RAB27A: variants seen among roughly 807,000 people sequenced by gnomAD.
RAB27A encodes the protein ras-related protein Rab-27A.
RAB27A carries 17 observed loss-of-function variants against 20.8 expected under a neutral mutation model. The ratio of observed to expected loss-of-function variants is 0.82; its 90% CI spans 0.56 to 1.23. The LOEUF (loss-of-function observed/expected upper bound fraction) is 1.23. RAB27A is among the 50% of genes most tolerant of loss of function. The pLI, the probability that RAB27A is intolerant of heterozygous loss-of-function variation, is 0.00. For missense variants in RAB27A, 277 were observed against 266.7 expected (o/e 1.04, Z -0.27); for synonymous variants, 85 against 92.8 (o/e 0.92, Z 0.48).
rs79001928 is a variant in RAB27A, at chr15:55,270,594, T to G, written c.-142-310A>C. On this transcript the variant is annotated intron_variant, in intron 1 of 6. Transcript: ENST00000336787. The stretch of plus-strand genomic sequence containing the variant: ...TTCTTCCGCCCACCTACCCCGTGAA[T>G]CAAAACAGTAGAACATTTGTTTTCT... 4.8e-3 allele frequency among the ~76,000 whole-genome samples: 729 copies of G among 152,306 alleles called. 12 individuals are homozygous for G. The highest frequency in any genetic ancestry group is 0.017 in the African/African-American group (687 of 41,564).
chr15:55,282,910 G>A (rs1315910266), intron 1 of RAB27A, among the ~76,000 whole-genome samples: 1 of 130,398 alleles, frequency 7.7e-6, no homozygotes, highest in Admixed American at 7.6e-5. Flanking sequence ...CCCGTGTGGA[G>A]ACAATAAATA....
At chr15:55,279,718 G>A (rs531494492) in intron 1 of RAB27A, among the ~76,000 whole-genome samples, 3 of 152,244 alleles carry the variant, frequency 2.0e-5, no homozygotes, top group Admixed American at 6.5e-5. Flanking sequence ...CCATTCCCTC[G>A]CTTGTGTATG....
intron 2 of RAB27A, among the ~76,000 whole-genome samples, chr15:55,235,710 A>G (rs1896227268): frequency 1.3e-5 from 2 of 151,810 alleles, no homozygotes; most frequent in Admixed American, 1.3e-4. Flanking sequence ...AAAATTTGCA[A>G]TTGCAAACAT....
At chr15:55,246,623 A>AT (rs1423565369) in intron 2 of RAB27A, among the ~76,000 whole-genome samples, 2 of 152,038 alleles carry the variant, frequency 1.3e-5, no homozygotes, top group Non-Finnish European at 2.9e-5. Context: ...AAAAAAAAAA[A>AT]GCACACATAG....
At chr15:55,230,512 AC>A in intron 3 of RAB27A, 26 bp from the exon 4 acceptor site, 1 of 1,572,894 alleles carries the variant, frequency 6.4e-7, no homozygotes, top group African/African-American at 1.3e-5. Flanking sequence ...GAAAGAGAAA[AC>A]AAAAGAGAAC....
chr15:55,213,555 G>A (rs1036831233), intron 6 of RAB27A, among the ~76,000 whole-genome samples: 11 of 152,290 alleles, frequency 7.2e-5, no homozygotes, highest in East Asian at 1.9e-4. Flanking sequence ...GGGGGCCAGC[G>A]AGCAAGCCAA....
chr15:55,206,180 C>T, intron 6 of RAB27A: 1 of 292,792 alleles, frequency 3.4e-6, no homozygotes, highest in Non-Finnish European at 5.1e-6. Flanking sequence ...CACCGCACTC[C>T]AGCCTGGGCA....
rs1202782946 is a variant in RAB27A, at chr15:55,274,800, A to ATATG, written c.-142-4517_-142-4516insCATA. 2.0e-3 allele frequency among the ~76,000 whole-genome samples: 239 copies of ATATG among 121,240 alleles called. 5 individuals are homozygous for ATATG. Among genetic ancestry groups the ATATG allele is most frequent in the African/African-American group, 8.0e-3 (225 of 28,300 alleles). The allele number at this position is 121,240 out of a possible 152,430, so 79.5% of individuals were successfully genotyped here. On this transcript the variant is annotated intron_variant, in intron 1 of 6. Coordinates refer to ENST00000336787, the MANE Select transcript of RAB27A (RefSeq NM_183235.3). ...CCTTAAAAAAATAAATAAATTATATATATATATATATATATATATATATAT... is the reference window on the plus strand; with the variant it reads ...CCTTAAAAAAATAAATAAATTATATATATGTATATATATATATATATATATATAT...
intron 2 of RAB27A, among the ~76,000 whole-genome samples, chr15:55,250,106 G>A (rs1300590124): frequency 6.6e-6 from 1 of 151,986 alleles, no homozygotes; most frequent in Admixed American, 6.6e-5. Context: ...GCGACTAAAG[G>A]CCTGCGCAAC....
At position 55,203,393 on chromosome 15, in the gene RAB27A, G is replaced by T. The variant is rs1488672122; in HGVS notation, c.*2114C>A. 6.6e-6 allele frequency: 1 copy of T among 150,580 alleles called. No homozygotes were observed. Among genetic ancestry groups the T allele is most frequent in the Non-Finnish European group, 1.5e-5 (1 of 67,818 alleles). The allele number at this position is 150,580 out of a possible 1,614,324, so 9.3% of individuals were successfully genotyped here. A position where few individuals can be genotyped will look rare whatever the true frequency, so the allele number is the denominator to read the frequency against. The stretch of plus-strand genomic sequence containing the variant: ...TATGGCAACTATATAAGGCACTGCT[G>T]TGTGATTATGACCCTGCTCTTTTTT... On this transcript the variant is annotated 3_prime_UTR_variant, in exon 7 of 7. Transcript: ENST00000336787.
intron 1 of RAB27A, among the ~76,000 whole-genome samples, chr15:55,316,585 T>TAA (rs111709943): frequency 7.0e-6 from 1 of 142,200 alleles, no homozygotes; most frequent in Non-Finnish European, 1.5e-5. Flanking sequence ...TCCCAGAACT[T>TAA]AAAAAAAAAA....
At chr15:55,296,419 C>G (rs2054949868) in intron 2 of RAB27A, among the ~76,000 whole-genome samples, 1 of 151,956 alleles carries the variant, frequency 6.6e-6, no homozygotes, top group African/African-American at 2.4e-5. Flanking sequence ...TCACTTGAAC[C>G]CGGGAGGCAG....
chr15:55,262,459 G>A (rs1033929611), intron 2 of RAB27A, among the ~76,000 whole-genome samples: 18 of 150,710 alleles, frequency 1.2e-4, no homozygotes, highest in African/African-American at 2.0e-4. Context: ...GGAGAATGGC[G>A]TGAACCCGGG....
intron 2 of RAB27A, among the ~76,000 whole-genome samples, chr15:55,259,505 T>G (rs1441569495): frequency 1.3e-5 from 2 of 152,026 alleles, no homozygotes; most frequent in African/African-American, 4.8e-5. Context: ...CAAGCTAGTC[T>G]TGAACTCCTA....
At position 55,258,066 on chromosome 15, in the gene RAB27A, C is replaced by CAA. The variant is rs553999609; in HGVS notation, c.-23+12097_-23+12098dup. On this transcript the variant is annotated intron_variant, in intron 2 of 6. Coordinates refer to ENST00000336787, the MANE Select transcript of RAB27A (RefSeq NM_183235.3). ...TGGGCGATACAGCGAGACTCAGTCT[C>CAA]AAAAAAAAAAAAAAAAAAAAGGAAA... is the stretch of plus-strand genomic sequence containing the variant. Among the ~76,000 whole-genome samples the CAA allele has an allele frequency of 9.7e-3, 600 of 61,798 alleles. 9 individuals carry two copies. The highest frequency in any genetic ancestry group is 0.033 in the African/African-American group (523 of 15,812). The allele number at this position is 61,798 out of a possible 152,430, so 40.5% of individuals were successfully genotyped here.
In RAB27A at chr15:55,309,628, G is replaced by A. The variant is rs145509306; in HGVS notation, c.-112+4411C>T. ...CTTCAAAGGCAAACAAGAATTGAGAGTCAGGATGTACAGGGATACAGAAAA... is the reference window on the plus strand; with the variant it reads ...CTTCAAAGGCAAACAAGAATTGAGAATCAGGATGTACAGGGATACAGAAAA... On this transcript the variant is annotated intron_variant, in intron 2 of 5. Coordinates refer to the RAB27A transcript ENST00000563262. Among the ~76,000 whole-genome samples the A allele has an allele frequency of 1.5e-4, 23 of 152,266 alleles. No homozygotes were observed. In the East Asian group the frequency reaches 3.9e-3, roughly 26 times the overall value.
intron 4 of RAB27A, 98 bp from the exon 5 acceptor site, chr15:55,228,810 A>G (rs1248330818): frequency 7.3e-6 from 6 of 822,246 alleles, no homozygotes; most frequent in Non-Finnish European, 1.3e-5. Context: ...AAAGTTTACC[A>G]ATAACAAGCT....
chr15:55,273,440 AT>A (rs1897766745), intron 1 of RAB27A, among the ~76,000 whole-genome samples: 1 of 151,866 alleles, frequency 6.6e-6, no homozygotes, highest in African/African-American at 2.4e-5. Flanking sequence ...AAAATAAAAA[AT>A]AAAAGACATA....
At chr15:55,312,400 T>C (rs373826353) in intron 2 of RAB27A, among the ~76,000 whole-genome samples, 3 of 152,184 alleles carry the variant, frequency 2.0e-5, no homozygotes, top group African/African-American at 7.2e-5. Context: ...TTCAATTATC[T>C]TGGGCATATG....
Sources: gnomAD v4.1 joint callset for allele counts (sites outside exome capture counted in the v4.1 genomes callset) on GRCh38, gnomAD v4.1.1 for gene constraint, MANE v1.5 for transcripts, NCBI Gene and HGNC (gene_info 2026-07-23, HGNC 2026-07-21) for gene names.